The following ITGAD variants were observed in gnomAD, a reference collection of about 807,000 sequenced individuals.
ITGAD encodes integrin alpha-D.
In ITGAD, 105 loss-of-function variants were observed where a neutral mutation model predicts 139.0. The observed-to-expected ratio is 0.76, with a 90% confidence interval of 0.65 to 0.89. The LOEUF is 0.89. ITGAD is among the 40% of genes least tolerant of loss of function. The probability of loss-of-function intolerance (pLI) is 0.00; values close to 1 mark genes in which losing one functional copy is unlikely to be tolerated. For missense variants in ITGAD, 1,384 were observed against 1,487.3 expected (o/e 0.93, Z 1.14); for synonymous variants, 569 against 598.3 (o/e 0.95, Z 0.71).
chr16:31,425,483 C>T (rs1008548419), intron 29 of ITGAD, among the ~76,000 whole-genome samples: 6 of 152,178 alleles, frequency 3.9e-5, no homozygotes, highest in Admixed American at 3.3e-4. Context: ...TGTCCTGCCA[C>T]GGGTCGTGTG....
At position 31,394,262 on chromosome 16, in the gene ITGAD, C is replaced by T; in HGVS notation, c.58C>T (p.Leu20=). ...CCTGGCTTCTTATCATGGATTCAAC[C>T]TGGATGTGGAGGAGCCTACGATCTT... ...SVLASYHGFN[L]DVEEPTIFQE... Residue 20 remains leucine (L), a synonymous_variant, in exon 2 of 30, where the codon CTG becomes TTG. Transcript: ENST00000389202. 1 of 1,613,840 alleles carries T rather than the reference C, an allele frequency of 6.2e-7. No homozygotes were observed.
chr16:31,412,708 GGTGACATCT>G (rs1222608484), intron 14 of ITGAD, 121 bp from the exon 15 acceptor site: 1 of 1,114,642 alleles, frequency 9.0e-7, no homozygotes, highest in Non-Finnish European at 1.3e-6. Context: ...GGCTCTTGTT[GGTGACATCT>G]GTTCACAGCT....
Position 31,426,169 on chromosome 16 carries a change from C to G in ITGAD, c.*41C>G, listed in dbSNP as rs376028778. On this transcript the variant is annotated 3_prime_UTR_variant, in exon 30 of 30. Transcript: ENST00000389202. The stretch of plus-strand genomic sequence containing the variant: ...TTTATCTCTACCACTGTGGGCTGGA[C>G]TTGCTTGCAACCATAAATCAACTTA... 21 of 1,349,224 alleles carry G rather than the reference C, an allele frequency of 1.6e-5. No homozygotes were observed. The African/African-American group carries it at 2.4e-4, about 16-fold the overall frequency. 83.6% of individuals were successfully genotyped at this position (1,349,224 alleles called of 1,614,324 possible).
intron 23 of ITGAD, among the ~76,000 whole-genome samples, chr16:31,419,959 G>T (rs1203813560): frequency 6.6e-6 from 1 of 152,080 alleles, no homozygotes; most frequent in Non-Finnish European, 1.5e-5. Context: ...TTGCTGGTGG[G>T]ACACACACAC....
rs376283221 is a variant in ITGAD, at chr16:31,397,434, C to T, written c.213C>T (p.Thr71=). 2.2e-5 allele frequency: 36 copies of T among 1,600,264 alleles called. No individual in the cohort carries two copies. The African/African-American group carries it at 2.9e-4, about 13-fold the overall frequency. Residue 71 remains threonine (T), a synonymous_variant, in exon 3 of 30, where the codon ACC becomes ACT. Transcript: ENST00000389202. ...TGRLYDCAAA[T]GMCQPIPLHI... ...GGCTGTATGACTGCGCAGCTGCCAC[C>T]GGCATGTGCCAGCCCATCCCGCTGC...
intron 18 of ITGAD, 140 bp downstream of exon 18, chr16:31,415,131 C>A: frequency 2.1e-6 from 2 of 951,970 alleles, no homozygotes; most frequent in Non-Finnish European, 3.2e-6. Flanking sequence ...TCCTCACACC[C>A]AGGCCTGTGG....
intron 16 of ITGAD, 52 bp downstream of exon 16, chr16:31,413,298 CA>C (rs2081787610): frequency 1.3e-6 from 2 of 1,579,590 alleles, no homozygotes; most frequent in Non-Finnish European, 8.6e-7. Context: ...TTAGGGGCCC[CA>C]ATGCCATCCT....
chr16:31,423,528 C>T (rs767515325), intron 25 of ITGAD, 43 bp from the exon 26 acceptor site: 4 of 1,601,408 alleles, frequency 2.5e-6, no homozygotes, highest in Non-Finnish European at 3.4e-6. Flanking sequence ...TTACCAGGGA[C>T]ATGTTGCTCA....
At chr16:31,423,041 C>T (rs2082037053) in intron 23 of ITGAD, 73 bp from the exon 24 acceptor site, 1 of 1,153,296 alleles carries the variant, frequency 8.7e-7, no homozygotes, top group Non-Finnish European at 1.3e-6. Context: ...CCCAACAGAG[C>T]TCTCTGCAGT....
rs775347838 is a variant in ITGAD at position 31,423,661 on chromosome 16, C to T, written c.3045+13C>T. 6.6e-5 allele frequency: 106 copies of T among 1,610,096 alleles called. No homozygotes were observed. Among genetic ancestry groups the T allele is most frequent in the Non-Finnish European group, 8.9e-5 (105 of 1,177,066 alleles). On this transcript the variant is annotated intron_variant, in intron 26 of 29. Transcript: ENST00000389202. ...AAGTCCCATGCTGGTGAGAAAGTCCCTGAACCCCCACCGCCAAGATCAGCC... is the reference window on the plus strand; with the variant it reads ...AAGTCCCATGCTGGTGAGAAAGTCCTTGAACCCCCACCGCCAAGATCAGCC...
chr16:31,394,550 C>G (rs2081219834), intron 2 of ITGAD, among the ~76,000 whole-genome samples: 2 of 152,194 alleles, frequency 1.3e-5, no homozygotes, highest in Admixed American at 6.5e-5. Flanking sequence ...TACCTTACCT[C>G]GGGAGGGAAG....
At chr16:31,416,192 G>C (rs535330794) in intron 18 of ITGAD, 21 bp from the exon 19 acceptor site, 2 of 1,586,518 alleles carry the variant, frequency 1.3e-6, no homozygotes, top group South Asian at 2.3e-5. Flanking sequence ...GATGGGAACA[G>C]AATATACTAT....
Position 31,403,448 on chromosome 16 carries a change from A to G in ITGAD, c.559-52A>G. The G allele has an allele frequency of 6.3e-7, 1 of 1,599,458 alleles. No individual in the cohort carries two copies. Among genetic ancestry groups the G allele is most frequent in the Non-Finnish European group, 8.5e-7 (1 of 1,171,250 alleles). ...CTGTCTCTACAAAAAATTAAAATAAAAACAATAGTAACAGGCACTGAGCCC... is the reference window on the plus strand; with the variant it reads ...CTGTCTCTACAAAAAATTAAAATAAGAACAATAGTAACAGGCACTGAGCCC... On this transcript the variant is annotated intron_variant, in intron 6 of 29. Transcript: ENST00000389202. The surrounding 1 kb of genome is among the most constrained non-coding windows in gnomAD (Gnocchi z 4.4).
At chr16:31,396,725 A>T (rs370569034) in intron 2 of ITGAD, among the ~76,000 whole-genome samples, 50 of 152,320 alleles carry the variant, frequency 3.3e-4, no homozygotes, top group Non-Finnish European at 6.5e-4. Context: ...TTTCTCACAG[A>T]CAGGAGATTG....
At position 31,411,165 on chromosome 16, in the gene ITGAD, C is replaced by T. The variant is rs754625873; in HGVS notation, c.1446C>T (p.Tyr482=). Residue 482 remains tyrosine (Y), a synonymous_variant, in exon 13 of 30, where the codon TAC becomes TAT. Transcript: ENST00000389202. ...TGATCCTCATTGGGGCCCCCCATTA[C>T]TATGAGCAGACCCGAGGGGGCCAGG... ...TDLILIGAPH[Y]YEQTRGGQVS... The T allele has an allele frequency of 6.2e-7, 1 of 1,613,918 alleles. No homozygotes were observed. Among genetic ancestry groups the T allele is most frequent in the South Asian group, 1.1e-5 (1 of 91,074 alleles).
chr16:31,416,528 G>C lies in ITGAD; in HGVS notation c.2381G>C (p.Ser794Thr). 1.9e-6 allele frequency: 3 copies of C among 1,612,558 alleles called. No homozygotes were observed. Among genetic ancestry groups the C allele is most frequent in the Non-Finnish European group, 2.5e-6 (3 of 1,178,696 alleles). Residue 794 changes from serine (S) to threonine (T), a missense_variant, in exon 20 of 30, where the codon AGC (serine) becomes ACC (threonine). Physicochemically the swap from Ser to Thr is moderately conservative, Grantham distance 58. Coordinates refer to ENST00000389202, the MANE Select transcript of ITGAD (RefSeq NM_005353.3). ...FSGLQTLTVG[S>T]SLELNVIVTV... is the part of the protein sequence containing the mutation. ...AGCCTGCAGACCCTGACCGTGGGGA[G>C]CTCCCTGGAGCTCAACGTGATTGTG...
At chr16:31,417,210 A>ATATTTATT (rs201764894) in intron 20 of ITGAD, among the ~76,000 whole-genome samples, 14,637 of 122,566 alleles carry the variant, frequency 0.12, 1,010 homozygotes, top group East Asian at 0.16. Flanking sequence ...CGCCCAGCTA[A>ATATTTATT]TATTTATTTA....
rs746535961 is a variant in ITGAD, at chr16:31,394,230, C to T, written c.32-6C>T. ...CCAGCCTCCCCGCCCACCAAATATT[C>T]CTCAGTCCTGGCTTCTTATCATGGA... is the stretch of plus-strand genomic sequence containing the variant. On this transcript the variant is annotated splice_polypyrimidine_tract_variant and splice_region_variant and intron_variant, in intron 1 of 29. Transcript: ENST00000389202. 2 of 1,602,878 alleles carry T rather than the reference C, an allele frequency of 1.2e-6. No homozygotes were observed. The highest frequency in any genetic ancestry group is 1.1e-5 in the South Asian group (1 of 90,824).
rs778144914 is a variant in ITGAD, at chr16:31,423,613, G to C, written c.3010G>C (p.Asp1004His). ...VSERKPPQHS[D>H]FLTQISRSPM... ...AGAGAGAAAACCTCCCCAGCATTCT[G>C]ACTTCCTGACCCAGATTTCAAGAAG... Residue 1004 changes from aspartate to histidine, a missense_variant, in exon 26 of 30, where the codon GAC becomes CAC. Transcript: ENST00000389202. The C allele has an allele frequency of 6.2e-7, 1 of 1,613,956 alleles. No individual in the cohort carries two copies. Among genetic ancestry groups the C allele is most frequent in the African/African-American group, 1.3e-5 (1 of 74,874 alleles).
Sources: gnomAD v4.1 joint callset for allele counts (sites outside exome capture counted in the v4.1 genomes callset) on GRCh38, gnomAD v4.1.1 for gene constraint, Gnocchi (gnomAD v3.1) non-coding constraint, MANE v1.5 for transcripts, NCBI Gene and HGNC (gene_info 2026-07-23, HGNC 2026-07-21) for gene names.